PELI1: variants seen among roughly 807,000 people sequenced by gnomAD.
PELI1 encodes E3 ubiquitin-protein ligase pellino homolog 1.
A neutral mutation model predicts 41.3 loss-of-function variants in PELI1; 15 were observed. That is an observed-to-expected ratio of 0.36 (90% CI 0.24 to 0.56). The LOEUF is 0.56. Among genes scored for constraint, PELI1 ranks in the 20% least tolerant of loss-of-function variants. The pLI is 0.82. For synonymous variants in PELI1, 178 were observed against 180.1 expected, an observed-to-expected ratio of 0.99 and a Z score of 0.09; for missense variants, 403 against 525.5, an observed-to-expected ratio of 0.77 and a Z score of 2.28.
intron 1 of PELI1, among the ~76,000 whole-genome samples, chr2:64,117,526 G>A (rs967147428): frequency 1.5e-4 from 23 of 152,108 alleles, no homozygotes; most frequent in South Asian, 2.1e-4. Context: ...CTCTTTTAGA[G>A]AAGCTAACTT....
Position 64,100,458 on chromosome 2 carries a change from T to C in PELI1, c.243A>G (p.Leu81=), listed in dbSNP as rs329497. Residue 81 remains leucine, a synonymous_variant, in exon 4 of 7, where the codon TTA becomes TTG. Transcript: ENST00000358912. ...CAACCACCACAGTCTGGGCCCGAGA[T>C]AAAGTATATGATATGCTATGCTGGT... The part of the protein sequence containing the change: ...NKDQHSISYT[L]SRAQTVVVEY... 475,698 of 1,563,734 alleles carry C rather than the reference T, an allele frequency of 0.3. 80,808 individuals carry two copies. Among genetic ancestry groups the C allele is most frequent in the East Asian group, 0.75 (33,147 of 44,358 alleles).
intron 1 of PELI1, among the ~76,000 whole-genome samples, chr2:64,142,294 G>A (rs1181360100): frequency 1.3e-5 from 2 of 151,422 alleles, no homozygotes; most frequent in African/African-American, 4.8e-5. Context: ...GAAGGCTTTG[G>A]GAAAAAAAAT....
intron 3 of PELI1, among the ~76,000 whole-genome samples, chr2:64,101,010 G>A (rs986031892): frequency 6.6e-6 from 1 of 152,134 alleles, no homozygotes; most frequent in East Asian, 1.9e-4. Context: ...GATTATAGGC[G>A]TGAGCCACTG....
intron 4 of PELI1, among the ~76,000 whole-genome samples, chr2:64,099,201 C>T (rs923803260): frequency 1.2e-4 from 18 of 149,568 alleles, no homozygotes; most frequent in African/African-American, 2.2e-4. Context: ...CACACACACA[C>T]ATATATATTT....
intron 1 of PELI1, among the ~76,000 whole-genome samples, chr2:64,140,839 C>G: frequency 9.2e-6 from 1 of 108,546 alleles, no homozygotes; most frequent in South Asian, 3.3e-4. Flanking sequence ...AACTTGAAAT[C>G]ATATCCAGAT....
At chr2:64,130,889 AT>A (rs1428530722) in intron 1 of PELI1, among the ~76,000 whole-genome samples, 1 of 152,166 alleles carries the variant, frequency 6.6e-6, no homozygotes, top group Non-Finnish European at 1.5e-5. Flanking sequence ...ATAATGTATT[AT>A]TTTTTATTTC....
chr2:64,121,733 C>T (rs1486072699), intron 1 of PELI1, among the ~76,000 whole-genome samples: 3 of 151,966 alleles, frequency 2.0e-5, no homozygotes, highest in African/African-American at 7.2e-5. Flanking sequence ...TGGAGAAACC[C>T]CGTCTCTACT....
rs746861742 is a variant in PELI1, at chr2:64,129,825, T to C, written c.-70+14256A>G. Among the ~76,000 whole-genome samples the C allele has an allele frequency of 2.0e-5, 3 of 152,216 alleles. No individual in the cohort carries two copies. The South Asian group carries it at 6.2e-4, about 32-fold the overall frequency. On this transcript the variant is annotated intron_variant, in intron 1 of 6. Transcript: ENST00000358912. ...AGAATATAGTCTACAATTGCTTGTA[T>C]TGATGATCCACATAAAGTCACAGGA...
At chr2:64,104,634 AAAC>A in intron 3 of PELI1, 64 bp downstream of exon 3, 1 of 1,496,044 alleles carries the variant, frequency 6.7e-7, no homozygotes, top group South Asian at 1.4e-5. Flanking sequence ...TAGAGAATAC[AAAC>A]AACACATAAA....
intron 3 of PELI1, among the ~76,000 whole-genome samples, chr2:64,100,947 C>T (rs925477059): frequency 1.3e-5 from 2 of 152,120 alleles, no homozygotes. Context: ...CCAGGCTGGT[C>T]TTGAACTCCT....
chr2:64,123,921 T>C (rs1251737062), intron 1 of PELI1, among the ~76,000 whole-genome samples: 3 of 152,176 alleles, frequency 2.0e-5, no homozygotes, highest in Admixed American at 6.5e-5. Context: ...ATAAACAAAA[T>C]GTGGTATATC....
intron 2 of PELI1, chr2:64,106,097 T>TA (rs1373518659): frequency 6.6e-6 from 1 of 152,250 alleles, no homozygotes; most frequent in African/African-American, 2.4e-5. Context: ...TACAGCCCCT[T>TA]AGCTAATAAT....
At chr2:64,140,276 G>A (rs962885492) in intron 1 of PELI1, among the ~76,000 whole-genome samples, 1 of 152,188 alleles carries the variant, frequency 6.6e-6, no homozygotes, top group East Asian at 1.9e-4. Context: ...GGAGGATGAA[G>A]ACAGATGTCA....
At chr2:64,109,068 G>T (rs953856614) in intron 1 of PELI1, among the ~76,000 whole-genome samples, 1 of 152,198 alleles carries the variant, frequency 6.6e-6, no homozygotes, top group Non-Finnish European at 1.5e-5. Context: ...AGGCCAACTA[G>T]GGAGCCAGGA....
chr2:64,107,667 TTTTCA>T (rs1189540209), intron 2 of PELI1, among the ~76,000 whole-genome samples: 4 of 152,028 alleles, frequency 2.6e-5, no homozygotes, highest in Non-Finnish European at 5.9e-5. Context: ...TAAATAACAT[TTTTCA>T]TTTCATTTCA....
In PELI1 at chr2:64,096,472, G is replaced by A. The variant is rs754487975; in HGVS notation, c.442C>T (p.Pro148Ser). Reference protein sequence around the residue: ...ACRIICERNPPFTARIYAAGF... With the variant: ...ACRIICERNPSFTARIYAAGF... ...GCAGCATAAATCCGTGCTGTAAAGG[G>A]AGGATTCCGTTCACATATGATTCTG... Residue 148 changes from proline to serine, a missense_variant, in exon 5 of 7, where the codon CCC (proline) becomes TCC (serine). Coordinates refer to ENST00000358912, the MANE Select transcript of PELI1 (RefSeq NM_020651.4). 8.1e-6 allele frequency: 13 copies of A among 1,613,516 alleles called. No individual in the cohort carries two copies. The highest frequency in any genetic ancestry group is 2.2e-5 in the East Asian group (1 of 44,890).
chr2:64,112,774 T>C (rs1680845890), intron 1 of PELI1, among the ~76,000 whole-genome samples: 1 of 152,192 alleles, frequency 6.6e-6, no homozygotes, highest in Non-Finnish European at 1.5e-5. Flanking sequence ...TCAATCAATA[T>C]ACAACTGGCC....
intron 1 of PELI1, among the ~76,000 whole-genome samples, chr2:64,131,562 A>G (rs968559895): frequency 6.6e-6 from 1 of 152,126 alleles, no homozygotes; most frequent in Non-Finnish European, 1.5e-5. Context: ...TCGAGAAACA[A>G]AGGCAGAAAC....
intron 2 of PELI1, 26 bp downstream of exon 2, chr2:64,108,214 T>G (rs1369587901): frequency 1.5e-6 from 2 of 1,303,636 alleles, no homozygotes; most frequent in Non-Finnish European, 2.2e-6. Flanking sequence ...TTAAACTGTG[T>G]GTGTCATCAA....
Sources: allele counts gnomAD v4.1 joint callset (sites outside exome capture counted in the v4.1 genomes callset), GRCh38; gene constraint gnomAD v4.1.1; transcripts MANE v1.5; gene names NCBI Gene and HGNC (gene_info 2026-07-23, HGNC 2026-07-21).